The following ST6GALNAC5 variants were observed in gnomAD, a reference collection of about 807,000 sequenced individuals.
ST6GALNAC5 encodes alpha-N-acetylgalactosaminide alpha-2,6-sialyltransferase 5.
In ST6GALNAC5, 27 loss-of-function variants were observed where a neutral mutation model predicts 33.6. That is an observed-to-expected ratio of 0.80 (90% CI 0.59 to 1.11). The LOEUF (loss-of-function observed/expected upper bound fraction) is 1.11, where lower values mean the gene tolerates loss of function less well. Ranked by LOEUF, ST6GALNAC5 falls within the 50% of genes least tolerant of loss-of-function variation. The pLI is 0.00. For synonymous variants in ST6GALNAC5, 194 were observed against 171.2 expected (o/e 1.13, Z -1.04); for missense variants, 428 against 454.0 (o/e 0.94, Z 0.52).
chr1:77,014,514 A>G lies in ST6GALNAC5; in HGVS notation c.262-29690A>G, dbSNP rs191053317. Among the ~76,000 whole-genome samples the G allele has an allele frequency of 4.5e-4, 69 of 152,358 alleles. 1 individual carries two copies. The East Asian group carries it at 0.011, about 25-fold the overall frequency. On this transcript the variant is annotated intron_variant, in intron 2 of 4. Coordinates refer to ENST00000477717, the MANE Select transcript of ST6GALNAC5 (RefSeq NM_030965.3). The stretch of plus-strand genomic sequence containing the variant: ...AGGCTTAGAATGATCCAAGCAGTGA[A>G]TTTTATGACAGTAACTACCACCCTC...
At chr1:77,036,985 T>A (rs1199217480) in intron 2 of ST6GALNAC5, among the ~76,000 whole-genome samples, 1 of 152,068 alleles carries the variant, frequency 6.6e-6, no homozygotes, top group Non-Finnish European at 1.5e-5. Flanking sequence ...CGGTCTGAGG[T>A]AACACGTGGA....
chr1:76,965,158 T>C (rs1648408021), intron 2 of ST6GALNAC5, among the ~76,000 whole-genome samples: 1 of 152,140 alleles, frequency 6.6e-6, no homozygotes, highest in Admixed American at 6.5e-5. Flanking sequence ...ATAATTCTAG[T>C]TCTAGATCCT....
chr1:77,041,384 C>T (rs1024233201), intron 2 of ST6GALNAC5, among the ~76,000 whole-genome samples: 3 of 152,064 alleles, frequency 2.0e-5, no homozygotes, highest in South Asian at 2.1e-4. Context: ...TTAAGGTTGG[C>T]GCAAAAGTAA....
intron 2 of ST6GALNAC5, among the ~76,000 whole-genome samples, chr1:76,969,330 T>C (rs2100362629): frequency 6.6e-6 from 1 of 152,328 alleles, no homozygotes; most frequent in South Asian, 2.1e-4. Flanking sequence ...GCCCAAATAC[T>C]GTGCTTTTCC....
intron 2 of ST6GALNAC5, among the ~76,000 whole-genome samples, chr1:76,885,020 C>A (rs1040552378): frequency 1.3e-5 from 2 of 152,090 alleles, no homozygotes; most frequent in Admixed American, 6.6e-5. Flanking sequence ...CTTAGTACCC[C>A]CACAGAGCAT....
In ST6GALNAC5 at chr1:76,977,996, A is replaced by G. The variant is rs145518032; in HGVS notation, c.262-66208A>G. Among the ~76,000 whole-genome samples the G allele has an allele frequency of 4.1e-3, 621 of 152,176 alleles. 4 individuals are homozygous for G. Among genetic ancestry groups the G allele is most frequent in the Non-Finnish European group, 6.7e-3 (458 of 67,956 alleles). On this transcript the variant is annotated intron_variant, in intron 2 of 4. Transcript: ENST00000477717. ...TTCTCTCCAGCATTTGTTATTTTTT[A>G]TCTTTTTGATAACAGCCGTTCTGAC...
chr1:76,923,504 C>G (rs145205694), intron 2 of ST6GALNAC5, among the ~76,000 whole-genome samples: 1,620 of 152,066 alleles, frequency 0.011, 72 homozygotes, highest in Admixed American at 0.085. Context: ...ACCAGCCTGG[C>G]CAACATGGTG....
intron 2 of ST6GALNAC5, among the ~76,000 whole-genome samples, chr1:77,042,514 C>T (rs763158005): frequency 1.7e-4 from 26 of 152,172 alleles, no homozygotes; most frequent in Non-Finnish European, 3.7e-4. Flanking sequence ...TTCATAAGCC[C>T]TGCATCAATT....
chr1:76,888,773 T>TAATTTCTTTTTA (rs1553164457), intron 2 of ST6GALNAC5, among the ~76,000 whole-genome samples: 3 of 152,014 alleles, frequency 2.0e-5, no homozygotes, highest in African/African-American at 7.3e-5. Context: ...CTAAATGAAT[T>TAATTTCTTTTTA]AATTTATTTT....
At chr1:77,033,230 A>G (rs1342482322) in intron 2 of ST6GALNAC5, among the ~76,000 whole-genome samples, 1 of 152,220 alleles carries the variant, frequency 6.6e-6, no homozygotes, top group Non-Finnish European at 1.5e-5. Flanking sequence ...GAGAAAAATC[A>G]TCTACTGCTT....
chr1:76,973,146 T>C lies in ST6GALNAC5; in HGVS notation c.262-71058T>C, dbSNP rs186827085. Among the ~76,000 whole-genome samples the C allele has an allele frequency of 3.0e-4, 45 of 152,218 alleles. 1 individual carries two copies. Among genetic ancestry groups the C allele is most frequent in the African/African-American group, 9.6e-4 (40 of 41,544 alleles). On this transcript the variant is annotated intron_variant, in intron 2 of 4. Coordinates refer to ENST00000477717, the MANE Select transcript of ST6GALNAC5 (RefSeq NM_030965.3). ...CTTGCTTCTGGTTTTGTTTGGTATATAGACAATTTTTCTTTGTATATGGTA... is the reference window on the plus strand; with the variant it reads ...CTTGCTTCTGGTTTTGTTTGGTATACAGACAATTTTTCTTTGTATATGGTA...
intron 2 of ST6GALNAC5, among the ~76,000 whole-genome samples, chr1:76,950,741 T>A (rs1362279355): frequency 6.6e-6 from 1 of 151,846 alleles, no homozygotes. Context: ...CTGAACTGAA[T>A]CTCCAAAGAA....
intron 4 of ST6GALNAC5, among the ~76,000 whole-genome samples, chr1:77,050,862 C>T (rs1652194586): frequency 6.6e-6 from 1 of 152,250 alleles, no homozygotes; most frequent in African/African-American, 2.4e-5. Flanking sequence ...TGAGGTGTCA[C>T]TTTAAAGAGA....
At chr1:76,973,437 A>G (rs1301756382) in intron 2 of ST6GALNAC5, among the ~76,000 whole-genome samples, 2 of 151,590 alleles carry the variant, frequency 1.3e-5, no homozygotes, top group Non-Finnish European at 2.9e-5. Context: ...TATTATTATT[A>G]TTATTATTAT....
chr1:76,996,269 A>G (rs1028172220), intron 2 of ST6GALNAC5, among the ~76,000 whole-genome samples: 1 of 152,208 alleles, frequency 6.6e-6, no homozygotes, highest in Non-Finnish European at 1.5e-5. Flanking sequence ...ACTCTTGTGT[A>G]TCAGAGTTTG....
chr1:76,992,845 G>C (rs534972787), intron 2 of ST6GALNAC5, among the ~76,000 whole-genome samples: 1 of 152,130 alleles, frequency 6.6e-6, no homozygotes, highest in Non-Finnish European at 1.5e-5. Context: ...GGCCACAGAC[G>C]ATTCCTGTGT....
chr1:76,914,924 AT>A (rs1212294957), intron 2 of ST6GALNAC5, among the ~76,000 whole-genome samples: 3 of 151,940 alleles, frequency 2.0e-5, no homozygotes, highest in Non-Finnish European at 2.9e-5. Context: ...ATGGGAGAAA[AT>A]TTTTGCAACC....
intron 2 of ST6GALNAC5, among the ~76,000 whole-genome samples, chr1:76,901,681 G>T (rs1646818620): frequency 6.6e-6 from 1 of 152,056 alleles, no homozygotes; most frequent in Non-Finnish European, 1.5e-5. Context: ...AGTTCCATTT[G>T]GTCCTCTGAA....
In ST6GALNAC5 at chr1:77,062,504, C is replaced by T. The variant is rs184257376; in HGVS notation, c.780-471C>T. Among the ~76,000 whole-genome samples the T allele has an allele frequency of 1.3e-3, 197 of 152,228 alleles. 1 individual carries two copies. Among genetic ancestry groups the T allele is most frequent in the Non-Finnish European group, 2.2e-3 (148 of 68,022 alleles). On this transcript the variant is annotated intron_variant, in intron 4 of 4. Transcript: ENST00000477717. ...GGGAACATACTGGGAATCCACAAGG[C>T]TGGGTGGATTAGGAGAAGACTTAGA...
Sources: gnomAD v4.1 joint callset for allele counts (sites outside exome capture counted in the v4.1 genomes callset) on GRCh38, gnomAD v4.1.1 for gene constraint, MANE v1.5 for transcripts, NCBI Gene and HGNC (gene_info 2026-07-23, HGNC 2026-07-21) for gene names.